ELOVL5: variants seen among roughly 807,000 people sequenced by gnomAD.
ELOVL5 encodes very long chain fatty acid elongase 5.
A neutral mutation model predicts 38.6 loss-of-function variants in ELOVL5; 8 were observed. That is an observed-to-expected ratio of 0.21 (90% CI 0.12 to 0.37). The LOEUF (loss-of-function observed/expected upper bound fraction) is 0.37, where lower values mean the gene tolerates loss of function less well. Among genes scored for constraint, ELOVL5 ranks in the 10% least tolerant of loss-of-function variants. ELOVL5 has a pLI of 1.00. For missense variants in ELOVL5, 280 were observed against 367.8 expected, an observed-to-expected ratio of 0.76 and a Z score of 1.95; for synonymous variants, 127 against 133.7, an observed-to-expected ratio of 0.95 and a Z score of 0.34.
chr6:53,280,564 C>T (rs887297552), intron 3 of ELOVL5, among the ~76,000 whole-genome samples: 2 of 152,222 alleles, frequency 1.3e-5, no homozygotes, highest in African/African-American at 4.8e-5. Flanking sequence ...GTGAGTTTCA[C>T]ACCTGGTTCT....
intron 1 of ELOVL5, among the ~76,000 whole-genome samples, chr6:53,332,894 G>C (rs1307382317): frequency 1.3e-5 from 2 of 152,214 alleles, no homozygotes; most frequent in Non-Finnish European, 2.9e-5. Context: ...GGTGGCTTGG[G>C]CCACTATGTG....
intron 7 of ELOVL5, 122 bp from the exon 8 acceptor site, chr6:53,269,392 C>A: frequency 1.5e-6 from 1 of 671,682 alleles, no homozygotes; most frequent in Non-Finnish European, 2.3e-6. Flanking sequence ...CAAGGAGAAA[C>A]TCCTGAGGTC....
At chr6:53,333,642 G>A (rs1021749720) in intron 1 of ELOVL5, among the ~76,000 whole-genome samples, 5 of 152,166 alleles carry the variant, frequency 3.3e-5, no homozygotes, top group Admixed American at 1.3e-4. Context: ...ACAAAGGGAA[G>A]GGAGAACAAG....
At chr6:53,275,668 C>T (rs1447847383) in intron 4 of ELOVL5, among the ~76,000 whole-genome samples, 1 of 152,130 alleles carries the variant, frequency 6.6e-6, no homozygotes, top group Non-Finnish European at 1.5e-5. Flanking sequence ...AGCAGCCGAC[C>T]TGATAAGTGA....
At chr6:53,297,941 C>A (rs1767080215) in intron 1 of ELOVL5, among the ~76,000 whole-genome samples, 1 of 152,258 alleles carries the variant, frequency 6.6e-6, no homozygotes. Flanking sequence ...AAGAGAATTC[C>A]TCTTTAAAAC....
intron 3 of ELOVL5, among the ~76,000 whole-genome samples, chr6:53,286,244 C>T (rs1401302517): frequency 1.3e-5 from 2 of 152,102 alleles, no homozygotes; most frequent in East Asian, 3.8e-4. Flanking sequence ...AGATTCTTGG[C>T]ACACTGTTAA....
intron 3 of ELOVL5, among the ~76,000 whole-genome samples, chr6:53,278,742 A>T (rs1766238912): frequency 1.3e-5 from 2 of 152,086 alleles, no homozygotes; most frequent in African/African-American, 4.8e-5. Context: ...TCCCTGTAGG[A>T]GCTCTGTCAT....
intron 3 of ELOVL5, chr6:53,277,667 T>G (rs1055649580): frequency 8.5e-5 from 13 of 152,360 alleles, no homozygotes; most frequent in African/African-American, 3.1e-4. Flanking sequence ...TTAGAAGGTG[T>G]ATTAACTTTT....
intron 1 of ELOVL5, among the ~76,000 whole-genome samples, chr6:53,321,286 T>A (rs866806996): frequency 6.6e-6 from 1 of 152,246 alleles, no homozygotes; most frequent in African/African-American, 2.4e-5. Flanking sequence ...CCTGCAGACA[T>A]CATGCGCATC....
intron 3 of ELOVL5, among the ~76,000 whole-genome samples, chr6:53,289,061 C>CA (rs1766677606): frequency 6.6e-6 from 1 of 151,932 alleles, no homozygotes; most frequent in Non-Finnish European, 1.5e-5. Flanking sequence ...CTCAAACAAA[C>CA]AAAAAAACCC....
chr6:53,330,322 T>C (rs912796409), intron 1 of ELOVL5, among the ~76,000 whole-genome samples: 9 of 152,080 alleles, frequency 5.9e-5, no homozygotes, highest in African/African-American at 7.2e-5. Flanking sequence ...TTACCATGAA[T>C]AGACGTTGCT....
chr6:53,341,877 C>T (rs1168056841), intron 1 of ELOVL5, among the ~76,000 whole-genome samples: 2 of 152,108 alleles, frequency 1.3e-5, no homozygotes, highest in Admixed American at 6.6e-5. Flanking sequence ...TTTTAATACC[C>T]TCCAAAGTAG....
At chr6:53,311,414 A>G (rs1767826894) in intron 1 of ELOVL5, among the ~76,000 whole-genome samples, 1 of 152,220 alleles carries the variant, frequency 6.6e-6, no homozygotes, top group Non-Finnish European at 1.5e-5. Flanking sequence ...GCTGTGGAAA[A>G]TAGTTTGGCA....
intron 1 of ELOVL5, among the ~76,000 whole-genome samples, chr6:53,304,779 A>C (rs1767415658): frequency 6.6e-6 from 1 of 152,214 alleles, no homozygotes; most frequent in Non-Finnish European, 1.5e-5. Context: ...AACGCAGAAG[A>C]ATTTTTCTTA....
chr6:53,304,879 C>T (rs1767420382), intron 1 of ELOVL5, among the ~76,000 whole-genome samples: 1 of 152,218 alleles, frequency 6.6e-6, no homozygotes, highest in South Asian at 2.1e-4. Flanking sequence ...CCCACCTTTC[C>T]CCCTTTTCTA....
In ELOVL5 at chr6:53,267,821, G is replaced by C. The variant is rs562399644; in HGVS notation, c.*1306C>G. 1 of 152,660 alleles carries C rather than the reference G, an allele frequency of 6.6e-6. No individual in the cohort carries two copies. Among genetic ancestry groups the C allele is most frequent in the Admixed American group, 6.5e-5 (1 of 15,304 alleles). 9.5% of individuals were successfully genotyped at this position (152,660 alleles called of 1,614,324 possible). ...TTTCCCCCAATGGAGAAGGTATTCA[G>C]AGGCTAAATTCCGACACTTTAAAAT... On this transcript the variant is annotated 3_prime_UTR_variant, in exon 8 of 8. Transcript: ENST00000304434.
At chr6:53,317,240 AAAGTGATTTCTCTCATCC>A (rs1768087229) in intron 1 of ELOVL5, among the ~76,000 whole-genome samples, 1 of 152,224 alleles carries the variant, frequency 6.6e-6, no homozygotes, top group African/African-American at 2.4e-5. Flanking sequence ...GAAGCTTTCC[AAAGTGATTTCTCTCATCC>A]CATTAACGTC....
At chr6:53,306,174 G>C (rs900741206) in intron 1 of ELOVL5, among the ~76,000 whole-genome samples, 1 of 143,766 alleles carries the variant, frequency 7.0e-6, no homozygotes, top group Non-Finnish European at 1.5e-5. Context: ...GCTTTGGCTC[G>C]GCATGAGAGG....
intron 3 of ELOVL5, among the ~76,000 whole-genome samples, chr6:53,290,875 C>G (rs1766747316): frequency 6.6e-6 from 1 of 152,108 alleles, no homozygotes; most frequent in South Asian, 2.1e-4. Flanking sequence ...CTACCTTCTT[C>G]TTTACTACTC....
Sources: allele counts gnomAD v4.1 joint callset (sites outside exome capture counted in the v4.1 genomes callset), GRCh38; gene constraint gnomAD v4.1.1; transcripts MANE v1.5; gene names NCBI Gene and HGNC (gene_info 2026-07-23, HGNC 2026-07-21).